Variants in CEP170 observed in about 807,000 individuals in gnomAD.
The protein encoded by CEP170 is centrosomal protein of 170 kDa.
In CEP170, 21 loss-of-function variants were observed where a neutral mutation model predicts 151.9. The observed-to-expected ratio is 0.14, with a 90% CI of 0.10 to 0.20. The LOEUF is 0.20. Ranked by LOEUF, CEP170 falls within the 10% of genes least tolerant of loss-of-function variation. CEP170 has a pLI of 1.00. For missense variants in CEP170, 964 were observed against 1,892.9 expected, an observed-to-expected ratio of 0.51 and a Z score of 9.11; for synonymous variants, 356 against 648.8, an observed-to-expected ratio of 0.55 and a Z score of 6.86.
At chr1:243,213,266 T>G (rs1309981872) in intron 3 of CEP170, among the ~76,000 whole-genome samples, 1 of 152,182 alleles carries the variant, frequency 6.6e-6, no homozygotes, top group African/African-American at 2.4e-5. Flanking sequence ...TTCATCATTC[T>G]TTAGTTATCT....
At chr1:243,244,327 C>T (rs1323746662) in intron 1 of CEP170, among the ~76,000 whole-genome samples, 1 of 145,112 alleles carries the variant, frequency 6.9e-6, no homozygotes, top group South Asian at 2.3e-4. Context: ...CTAGAATAAC[C>T]CCCCTGCCCA....
chr1:243,126,919 GCC>G (rs1287565561), intron 19 of CEP170, among the ~76,000 whole-genome samples, 181 bp from the exon 20 acceptor site: 1 of 152,088 alleles, frequency 6.6e-6, no homozygotes, highest in Non-Finnish European at 1.5e-5. Flanking sequence ...AAATCACCCA[GCC>G]CTGAATACTT....
At chr1:243,137,826 G>A (rs1169250025) in intron 16 of CEP170, among the ~76,000 whole-genome samples, 1 of 151,108 alleles carries the variant, frequency 6.6e-6, no homozygotes, top group African/African-American at 2.4e-5. Flanking sequence ...GTTCATTGAT[G>A]AGTGGCATAA....
intron 10 of CEP170, among the ~76,000 whole-genome samples, chr1:243,178,867 T>C (rs1193064338): frequency 6.6e-6 from 1 of 152,018 alleles, no homozygotes; most frequent in African/African-American, 2.4e-5. Flanking sequence ...TGCAGGCTCA[T>C]GCCCCATGCC....
intron 1 of CEP170, among the ~76,000 whole-genome samples, chr1:243,228,480 C>A (rs1437624220): frequency 6.6e-6 from 1 of 152,240 alleles, no homozygotes; most frequent in African/African-American, 2.4e-5. Context: ...CTGGCCAAGT[C>A]TATAAAGGTG....
intron 4 of CEP170, among the ~76,000 whole-genome samples, chr1:243,202,812 C>T (rs2061144494): frequency 6.6e-6 from 1 of 152,016 alleles, no homozygotes; most frequent in Non-Finnish European, 1.5e-5. Context: ...TGAAAAAAGG[C>T]ATTAAAAATG....
intron 17 of CEP170, among the ~76,000 whole-genome samples, chr1:243,131,328 T>TA (rs1041242414): frequency 9.9e-5 from 15 of 151,760 alleles, no homozygotes; most frequent in Non-Finnish European, 1.5e-4. Flanking sequence ...CTCGTCTCTA[T>TA]AAAAAATACA....
intron 2 of CEP170, among the ~76,000 whole-genome samples, chr1:243,224,529 A>T (rs2063077345): frequency 6.6e-6 from 1 of 152,140 alleles, no homozygotes. Context: ...GCCGCATTCA[A>T]AGCCGTCCTG....
At chr1:243,181,440 A>C (rs2059611396) in intron 10 of CEP170, among the ~76,000 whole-genome samples, 1 of 152,170 alleles carries the variant, frequency 6.6e-6, no homozygotes, top group South Asian at 2.1e-4. Context: ...ATTGAGAGAG[A>C]CAGCCCCAAA....
rs1222036895 is a variant in CEP170 at position 243,186,294 on chromosome 1, C to T, written c.1237G>A (p.Val413Ile). 6.2e-7 allele frequency: 1 copy of T among 1,613,744 alleles called. No homozygotes were observed. The highest frequency in any genetic ancestry group is 1.1e-5 in the South Asian group (1 of 91,080). ...HHSEHKKLQK[V>I]QATEKHQDQA... ...TCTTGATGCTTTTCAGTAGCCTGGA[C>T]CTTCTGTAGCTTTTTGTGTTCTGAA... Residue 413 changes from valine to isoleucine, a missense_variant, in exon 9 of 20, where the codon GTC becomes ATC. Physicochemically the swap from Val to Ile is conservative, Grantham distance 29 (BLOSUM62 3). Coordinates refer to ENST00000366542, the MANE Select transcript of CEP170 (RefSeq NM_014812.3).
chr1:243,199,205 G>C lies in CEP170; in HGVS notation c.497-11C>G. 1 of 1,607,710 alleles carries C rather than the reference G, an allele frequency of 6.2e-7. No homozygotes were observed. Among genetic ancestry groups the C allele is most frequent in the Non-Finnish European group, 8.5e-7 (1 of 1,176,698 alleles). On this transcript the variant is annotated splice_polypyrimidine_tract_variant and intron_variant, in intron 6 of 19. Coordinates refer to ENST00000366542, the MANE Select transcript of CEP170 (RefSeq NM_014812.3). ...GCATAGCAGAAATATCTGGAAAGAG[G>C]TGGGAAAAATCTGTCTAAAGCAGAT...
intron 16 of CEP170, among the ~76,000 whole-genome samples, chr1:243,139,404 T>C (rs2055551794): frequency 6.6e-6 from 1 of 152,188 alleles, no homozygotes; most frequent in South Asian, 2.1e-4. Context: ...GATTTTTCTA[T>C]TGTGTTTTTT....
intron 3 of CEP170, among the ~76,000 whole-genome samples, chr1:243,221,124 A>C (rs138113153): frequency 0.05 from 7,597 of 152,032 alleles, 385 homozygotes; most frequent in African/African-American, 0.14. Flanking sequence ...TCCCGGGTTC[A>C]CGCCATTCTC....
chr1:243,210,740 G>C (rs1373238590), intron 4 of CEP170, among the ~76,000 whole-genome samples: 2 of 148,862 alleles, frequency 1.3e-5, no homozygotes, highest in African/African-American at 4.9e-5. Context: ...TCAGCCTCTG[G>C]AGTAGCTGGG....
At chr1:243,181,819 T>C (rs940628832) in intron 10 of CEP170, among the ~76,000 whole-genome samples, 14 of 152,224 alleles carry the variant, frequency 9.2e-5, no homozygotes, top group Non-Finnish European at 1.8e-4. Flanking sequence ...TCCTGTTACA[T>C]ATTTTTCAGT....
At chr1:243,226,350 A>G (rs1247183147) in intron 1 of CEP170, among the ~76,000 whole-genome samples, 1 of 151,488 alleles carries the variant, frequency 6.6e-6, no homozygotes, top group African/African-American at 2.4e-5. Context: ...TCTATAACAA[A>G]GTAACCATAT....
chr1:243,242,788 C>T (rs527547342), intron 1 of CEP170, among the ~76,000 whole-genome samples: 2 of 152,174 alleles, frequency 1.3e-5, no homozygotes, highest in African/African-American at 4.8e-5. Context: ...GCAACCTCCG[C>T]CTCCCAGGTT....
chr1:243,218,991 T>G (rs1321833803), intron 3 of CEP170, among the ~76,000 whole-genome samples: 1 of 152,186 alleles, frequency 6.6e-6, no homozygotes, highest in African/African-American at 2.4e-5. Flanking sequence ...ATATGGATAA[T>G]AAGAGTAAAT....
intron 3 of CEP170, among the ~76,000 whole-genome samples, chr1:243,212,406 ATTTAC>A (rs540183688): frequency 8.3e-4 from 127 of 152,304 alleles, no homozygotes; most frequent in African/African-American, 3.0e-3. Flanking sequence ...GAAGAAGAAA[ATTTAC>A]TTTAAGAAAA....
Sources: gnomAD v4.1 joint callset for allele counts (sites outside exome capture counted in the v4.1 genomes callset) on GRCh38, gnomAD v4.1.1 for gene constraint, MANE v1.5 for transcripts, NCBI Gene and HGNC (gene_info 2026-07-23, HGNC 2026-07-21) for gene names.